XRCC1: variants seen among roughly 807,000 people sequenced by gnomAD.
XRCC1 encodes DNA repair protein XRCC1.
In XRCC1, 52 loss-of-function variants were observed where a neutral mutation model predicts 83.3. The ratio of observed to expected loss-of-function variants is 0.62; its 90% CI spans 0.50 to 0.79. XRCC1 has a LOEUF of 0.79. Ranked by LOEUF, XRCC1 falls within the 30% of genes least tolerant of loss-of-function variation. The probability of loss-of-function intolerance (pLI) is 0.00; values close to 1 mark genes in which losing one functional copy is unlikely to be tolerated. For missense variants in XRCC1, 793 were observed against 823.5 expected (o/e 0.96, Z 0.45); for synonymous variants, 281 against 312.6 (o/e 0.90, Z 1.07).
chr19:43,545,679 G>A (rs997390636), intron 14 of XRCC1, 139 bp downstream of exon 14: 7 of 1,122,466 alleles, frequency 6.2e-6, no homozygotes, highest in African/African-American at 4.7e-5. Context: ...TGAAGGTGCT[G>A]AGGCAGGGAG....
intron 2 of XRCC1, among the ~76,000 whole-genome samples, chr19:43,565,359 C>G (rs1160952595): frequency 6.6e-6 from 1 of 152,186 alleles, no homozygotes; most frequent in Non-Finnish European, 1.5e-5. Flanking sequence ...GAGGCTCAGA[C>G]AGGTTTAATC....
intron 2 of XRCC1, chr19:43,574,709 T>G (rs1322933537): frequency 1.7e-6 from 1 of 577,766 alleles, no homozygotes; most frequent in Non-Finnish European, 3.1e-6. Context: ...CACTGATTCC[T>G]GTGGTCATCC....
intron 3 of XRCC1, among the ~76,000 whole-genome samples, chr19:43,556,665 C>T (rs1433610905): frequency 1.3e-5 from 2 of 151,910 alleles, no homozygotes; most frequent in Non-Finnish European, 2.9e-5. Context: ...TTAAGCCAGG[C>T]ATGGTGGCAG....
At chr19:43,572,919 GATCT>G (rs1188188770) in intron 2 of XRCC1, among the ~76,000 whole-genome samples, 9 of 134,650 alleles carry the variant, frequency 6.7e-5, no homozygotes, top group Admixed American at 3.7e-4. Flanking sequence ...CTAAAACTGA[GATCT>G]TTTCTTTTTT....
At chr19:43,558,906 G>T (rs1432137357) in intron 3 of XRCC1, among the ~76,000 whole-genome samples, 3 of 151,836 alleles carry the variant, frequency 2.0e-5, no homozygotes, top group Non-Finnish European at 4.4e-5. Flanking sequence ...GGAGGCCAAG[G>T]TGGGAGGATC....
At chr19:43,575,259 T>C (rs1214776855) in intron 1 of XRCC1, 149 bp downstream of exon 1, 2 of 977,092 alleles carry the variant, frequency 2.0e-6, no homozygotes, top group Admixed American at 5.7e-5. Flanking sequence ...ACGTCCCTAA[T>C]TCAACATCTC....
chr19:43,552,726 G>T, intron 8 of XRCC1, 71 bp downstream of exon 8: 1 of 1,408,522 alleles, frequency 7.1e-7, no homozygotes, highest in Non-Finnish European at 9.6e-7. Flanking sequence ...AGGACAGCAG[G>T]CTCCAGCCCC....
intron 2 of XRCC1, among the ~76,000 whole-genome samples, chr19:43,564,193 G>A (rs941495249): frequency 2.6e-5 from 4 of 152,196 alleles, no homozygotes; most frequent in East Asian, 1.9e-4. Flanking sequence ...TGTCAGCTGC[G>A]AATATCATTA....
chr19:43,554,881 G>T, intron 3 of XRCC1, 77 bp from the exon 4 acceptor site: 1 of 1,498,994 alleles, frequency 6.7e-7, no homozygotes. Flanking sequence ...CTGGGGAAGA[G>T]GGCACAGGGC....
At chr19:43,560,844 G>C in intron 3 of XRCC1, 66 bp downstream of exon 3, 1 of 1,353,196 alleles carries the variant, frequency 7.4e-7, no homozygotes, top group Admixed American at 1.7e-5. Context: ...CAGCCCCTGG[G>C]GGAGACGGTG....
chr19:43,544,508 C>G (rs145415394), intron 14 of XRCC1, among the ~76,000 whole-genome samples: 94 of 151,838 alleles, frequency 6.2e-4, no homozygotes, highest in African/African-American at 2.2e-3. Context: ...ACCTCTCTCT[C>G]TCTCTTTTTT....
At position 43,561,011 on chromosome 19, in the gene XRCC1, CCTT is replaced by C. The variant is rs766109055; in HGVS notation, c.151_153del (p.Lys51del). The C allele has an allele frequency of 2.5e-6, 4 of 1,613,880 alleles. No homozygotes were observed. Among genetic ancestry groups the C allele is most frequent in the Admixed American group, 1.7e-5 (1 of 60,008 alleles). On this transcript the variant is annotated inframe_deletion, in exon 3 of 17. Coordinates refer to ENST00000262887, the MANE Select transcript of XRCC1 (RefSeq NM_006297.3). ...ATGTCCACACTGTGTATCTGCTCCT[CCTT>C]CTCCAACTGTGGGCAGAGAGAGAGG...
intron 3 of XRCC1, 78 bp from the exon 4 acceptor site, chr19:43,554,882 G>A: frequency 6.7e-7 from 1 of 1,499,160 alleles, no homozygotes. Context: ...TGGGGAAGAG[G>A]GCACAGGGCC....
At chr19:43,554,337 G>A (rs8108087) in intron 4 of XRCC1, among the ~76,000 whole-genome samples, 2,367 of 152,214 alleles carry the variant, frequency 0.016, 66 homozygotes, top group African/African-American at 0.054. Flanking sequence ...GTAATCAGAC[G>A]CCAGATCTCC....
At position 43,553,638 on chromosome 19, in the gene XRCC1, C is replaced by G; in HGVS notation, c.460G>C (p.Asp154His). The G allele has an allele frequency of 6.4e-7, 1 of 1,556,756 alleles. No homozygotes were observed. Among genetic ancestry groups the G allele is most frequent in the Non-Finnish European group, 8.7e-7 (1 of 1,145,310 alleles). ...LSFVRFHSPP[D>H]KDEAEAPSQK... ...GACGGGGCCTCTGCCTCATCTTTGT[C>G]TGGGGGGCTATGAAACCGTACAAAA... The change falls in exon 5 of 17, where the codon GAC becomes CAC. Residue 154 changes from aspartate to histidine, a missense_variant. Coordinates refer to ENST00000262887, the MANE Select transcript of XRCC1 (RefSeq NM_006297.3).
intron 3 of XRCC1, among the ~76,000 whole-genome samples, chr19:43,557,741 G>A (rs1479895208): frequency 3.1e-5 from 4 of 129,162 alleles, no homozygotes; most frequent in East Asian, 2.5e-4. Flanking sequence ...GCAGTGAACC[G>A]AGATTGCACC....
chr19:43,560,907 T>C lies in XRCC1; in HGVS notation c.255+3A>G, dbSNP rs1372500226. ...ATGGGATCCATCTCATAGCCCTGCT[T>C]ACCTCATAGTCTTGCTCCCCAGCGC... On this transcript the variant is annotated splice_donor_region_variant and intron_variant, in intron 3 of 16. Transcript: ENST00000262887. 6.2e-7 allele frequency: 1 copy of C among 1,611,710 alleles called. No homozygotes were observed.
At chr19:43,572,134 G>C (rs987911037) in intron 2 of XRCC1, among the ~76,000 whole-genome samples, 3 of 152,154 alleles carry the variant, frequency 2.0e-5, no homozygotes, top group Admixed American at 2.0e-4. Flanking sequence ...TCTCTCCCAG[G>C]CCAGAGACAG....
Position 43,554,822 on chromosome 19 carries a change from C to T in XRCC1, c.256-18G>A, listed in dbSNP as rs1405997820. 1 of 1,605,632 alleles carries T rather than the reference C, an allele frequency of 6.2e-7. No individual in the cohort carries two copies. The highest frequency in any genetic ancestry group is 1.3e-5 in the African/African-American group (1 of 74,768). ...AGAAGGACCTGGGTGGGAGAAGCCA[C>T]AGTGCATGAGAACCAGGGCAGGTTG... On this transcript the variant is annotated intron_variant, in intron 3 of 16. Transcript: ENST00000262887.
Sources: allele counts gnomAD v4.1 joint callset (sites outside exome capture counted in the v4.1 genomes callset), GRCh38; gene constraint gnomAD v4.1.1; transcripts MANE v1.5; gene names NCBI Gene and HGNC (gene_info 2026-07-23, HGNC 2026-07-21).